DCST1: variants seen among roughly 807,000 people sequenced by gnomAD.
The protein encoded by DCST1 is DC-STAMP domain containing 1.
A neutral mutation model predicts 89.1 loss-of-function variants in DCST1; 78 were observed. That is an observed-to-expected ratio of 0.88 (90% CI 0.73 to 1.06). The LOEUF (loss-of-function observed/expected upper bound fraction) is 1.06. DCST1 is among the 50% of genes least tolerant of loss of function. DCST1 has a pLI of 0.00. For synonymous variants in DCST1, 364 were observed against 371.9 expected, an observed-to-expected ratio of 0.98 and a Z score of 0.24; for missense variants, 900 against 928.6, an observed-to-expected ratio of 0.97 and a Z score of 0.40.
rs770485497 is a variant in DCST1 at position 155,035,990 on chromosome 1, C to T, written c.262+1263C>T. 7.4e-5 allele frequency among the ~76,000 whole-genome samples: 10 copies of T among 134,624 alleles called. No homozygotes were observed. The East Asian group carries it at 9.0e-4, about 12-fold the overall frequency. 88.3% of individuals were successfully genotyped at this position (134,624 alleles called of 152,430 possible). Reference sequence around the variant, plus strand: ...CCCAACTTCACTGTCTTGGGCTGTGCGATTTGAGGCCAGGGAAAAAGGAAA... The same window carrying T: ...CCCAACTTCACTGTCTTGGGCTGTGTGATTTGAGGCCAGGGAAAAAGGAAA... On this transcript the variant is annotated intron_variant, in intron 4 of 16. Coordinates refer to ENST00000295542, the MANE Select transcript of DCST1 (RefSeq NM_152494.4).
In DCST1 at chr1:155,040,592, G is replaced by A; in HGVS notation, c.499G>A (p.Ala167Thr). ...NTRAAWRIST[A>T]PLRAMFKDLL... ...CCGCGCAGCTTGGCGCATCTCCACA[G>A]CCCCCTTACGGGCCATGTTCAAGGA... is the stretch of plus-strand genomic sequence containing the variant. The change falls in exon 6 of 17, where the codon GCC becomes ACC. Residue 167 changes from alanine to threonine, a missense_variant. Ala to Thr is a moderately conservative substitution (Grantham distance 58). Coordinates refer to ENST00000295542, the MANE Select transcript of DCST1 (RefSeq NM_152494.4). 6.3e-7 allele frequency: 1 copy of A among 1,583,650 alleles called. No individual in the cohort carries two copies. The highest frequency in any genetic ancestry group is 2.3e-5 in the East Asian group (1 of 43,596).
At chr1:155,044,055 G>A (rs1232962650) in intron 10 of DCST1, among the ~76,000 whole-genome samples, 1 of 152,212 alleles carries the variant, frequency 6.6e-6, no homozygotes, top group East Asian at 1.9e-4. Flanking sequence ...GGGCTTGGGT[G>A]AGGGCTGCCA....
chr1:155,034,204 C>A, intron 2 of DCST1, 107 bp downstream of exon 2: 1 of 1,541,144 alleles, frequency 6.5e-7, no homozygotes. Flanking sequence ...CGCGCCTCCA[C>A]CACCTCTCTG....
At chr1:155,050,068 G>A (rs1455865619) in intron 16 of DCST1, among the ~76,000 whole-genome samples, 3 of 152,260 alleles carry the variant, frequency 2.0e-5, no homozygotes, top group Admixed American at 2.0e-4. Flanking sequence ...CTGGCAGGCA[G>A]CAGGGCCTCT....
chr1:155,034,285 G>A, intron 2 of DCST1, 150 bp from the exon 3 acceptor site: 2 of 1,584,856 alleles, frequency 1.3e-6, no homozygotes, highest in Non-Finnish European at 8.6e-7. Flanking sequence ...ACTTCCTCAG[G>A]CTCCCTCATC....
In DCST1 at chr1:155,040,617, ACCTGCTGGT is replaced by A; in HGVS notation, c.526_531+3del. ...GCCCCCTTACGGGCCATGTTCAAGG[ACCTGCTGGT>A]CAGGAATCTGCACAGGCAGAGCCTG... On this transcript the variant is annotated splice_donor_variant and coding_sequence_variant, in exon 6 of 17. Coordinates refer to ENST00000295542, the MANE Select transcript of DCST1 (RefSeq NM_152494.4). LOFTEE classifies it high-confidence loss of function. 1 of 1,574,944 alleles carries A rather than the reference ACCTGCTGGT, an allele frequency of 6.3e-7. No individual in the cohort carries two copies. Among genetic ancestry groups the A allele is most frequent in the Non-Finnish European group, 8.6e-7 (1 of 1,159,494 alleles).
intron 8 of DCST1, among the ~76,000 whole-genome samples, chr1:155,042,385 C>T (rs1164359628): frequency 6.6e-6 from 1 of 152,192 alleles, no homozygotes; most frequent in African/African-American, 2.4e-5. Context: ...AGGTGTGAGC[C>T]ATCGCACCCA....
At position 155,050,877 on chromosome 1, in the gene DCST1, C is replaced by T; in HGVS notation, c.*9C>T. The T allele has an allele frequency of 6.2e-7, 1 of 1,606,290 alleles. No individual in the cohort carries two copies. Among genetic ancestry groups the T allele is most frequent in the Non-Finnish European group, 8.5e-7 (1 of 1,174,220 alleles). On this transcript the variant is annotated 3_prime_UTR_variant, in exon 17 of 17. Transcript: ENST00000295542. ...CTGCCTACGCGGGGTGAAGAGGCGT[C>T]CTGCTCGCTCTTCCGCACCGTCCTT...
intron 10 of DCST1, chr1:155,045,530 C>T (rs1224524013): frequency 3.8e-6 from 1 of 263,340 alleles, no homozygotes; most frequent in Non-Finnish European, 7.4e-6. Flanking sequence ...GTTTCCCCCT[C>T]TCTGTAACTC....
At chr1:155,043,239 G>C in intron 9 of DCST1, 113 bp from the exon 10 acceptor site, 2 of 1,509,370 alleles carry the variant, frequency 1.3e-6, no homozygotes, top group African/African-American at 1.4e-5. Context: ...TAGAGGTCCT[G>C]GGAGGGCCCC....
At position 155,046,193 on chromosome 1, in the gene DCST1, C is replaced by T; in HGVS notation, c.1341C>T (p.Thr447=). The change falls in exon 12 of 17, where the codon ACC becomes ACT. Residue 447 remains threonine (T), a synonymous_variant. Transcript: ENST00000295542. The stretch of plus-strand genomic sequence containing the variant: ...CCGTCATCTTCCCTTGCAAGCCCAC[C>T]ATCCAGGCCTCAGAAATGAGCAATG... ...EKTVIFPCKP[T]IQASEMSNVV... 6.2e-7 allele frequency: 1 copy of T among 1,614,236 alleles called. No homozygotes were observed. The highest frequency in any genetic ancestry group is 8.5e-7 in the Non-Finnish European group (1 of 1,180,054).
At position 155,034,715 on chromosome 1, in the gene DCST1, T is replaced by C; in HGVS notation, c.250T>C (p.Tyr84His). 1 of 1,614,176 alleles carries C rather than the reference T, an allele frequency of 6.2e-7. No individual in the cohort carries two copies. Among genetic ancestry groups the C allele is most frequent in the South Asian group, 1.1e-5 (1 of 91,080 alleles). The change falls in exon 4 of 17, where the codon TAC becomes CAC. Residue 84 changes from tyrosine (Y) to histidine (H), a missense_variant. Coordinates refer to ENST00000295542, the MANE Select transcript of DCST1 (RefSeq NM_152494.4). ...IYEEQKIMFL[Y>H]SLVGLGAMGW... ...CGAAGAACAGAAGATTATGTTCTTG[T>C]ACAGCTTGGTGGGTTAGTGCTGGGC...
At chr1:155,048,023 C>T (rs1229796418) in intron 15 of DCST1, 34 bp from the exon 16 acceptor site, 5 of 1,613,522 alleles carry the variant, frequency 3.1e-6, no homozygotes, top group Middle Eastern at 1.6e-4. Flanking sequence ...TGGGGGATGC[C>T]TTTCTCTATC....
chr1:155,043,386 C>T lies in DCST1; in HGVS notation c.1049C>T (p.Thr350Ile). Residue 350 changes from threonine (T) to isoleucine (I), a missense_variant, in exon 10 of 17, where the codon ACA (threonine) becomes ATA (isoleucine). Thr to Ile is a moderately conservative substitution (Grantham distance 89). Transcript: ENST00000295542. ...CAGGCTGGGGTGCTGGGGCTCAACA[C>T]AAGCTGGGAGCGCGTGAGCACCGAG... Reference protein sequence around the residue: ...EKQAGVLGLNTSWERVSTEVR... With the variant: ...EKQAGVLGLNISWERVSTEVR... 6.2e-7 allele frequency: 1 copy of T among 1,614,046 alleles called. No individual in the cohort carries two copies. Among genetic ancestry groups the T allele is most frequent in the Non-Finnish European group, 8.5e-7 (1 of 1,179,974 alleles).
chr1:155,037,783 G>T (rs1465704214), intron 4 of DCST1, among the ~76,000 whole-genome samples: 4 of 152,208 alleles, frequency 2.6e-5, no homozygotes. Context: ...AGAGGAGTGA[G>T]AGTCAAGTTT....
intron 13 of DCST1, 46 bp downstream of exon 13, chr1:155,046,532 T>C: frequency 2.5e-6 from 4 of 1,593,112 alleles, no homozygotes; most frequent in Non-Finnish European, 3.4e-6. Context: ...AGACACCCTC[T>C]GGAGAACTCC....
rs1162361392 is a variant in DCST1, at chr1:155,050,806, C to G, written c.2059C>G (p.Arg687Gly). The G allele has an allele frequency of 6.2e-6, 10 of 1,612,148 alleles. No individual in the cohort carries two copies. Among genetic ancestry groups the G allele is most frequent in the Non-Finnish European group, 7.6e-6 (9 of 1,179,360 alleles). Residue 687 changes from arginine (R) to glycine (G), a missense_variant, in exon 17 of 17, where the codon CGC becomes GGC. Physicochemically the swap from Arg to Gly is moderately radical, Grantham distance 125. Transcript: ENST00000295542. ...MRQRCPVCTP[R>G]EELSSSAFSD... ...GCAGCGGTGCCCGGTCTGCACGCCC[C>G]GCGAAGAGCTCTCTTCCTCCGCCTT...
chr1:155,042,353 C>T (rs1298109557), intron 8 of DCST1, among the ~76,000 whole-genome samples: 3 of 152,182 alleles, frequency 2.0e-5, no homozygotes, highest in African/African-American at 7.2e-5. Context: ...CCCACCTCAG[C>T]CTCCCAAAGT....
At position 155,050,797 on chromosome 1, in the gene DCST1, T is replaced by G; in HGVS notation, c.2050T>G (p.Cys684Gly). The G allele has an allele frequency of 6.2e-7, 1 of 1,612,024 alleles. No individual in the cohort carries two copies. Among genetic ancestry groups the G allele is most frequent in the Non-Finnish European group, 8.5e-7 (1 of 1,179,276 alleles). Residue 684 changes from cysteine to glycine, a missense_variant, in exon 17 of 17, where the codon TGC becomes GGC. Transcript: ENST00000295542. ...CGACATGCGGCAGCGGTGCCCGGTC[T>G]GCACGCCCCGCGAAGAGCTCTCTTC... Reference protein sequence around the residue: ...WDDMRQRCPVCTPREELSSSA... With the variant: ...WDDMRQRCPVGTPREELSSSA...
Sources: allele counts gnomAD v4.1 joint callset (sites outside exome capture counted in the v4.1 genomes callset), GRCh38; gene constraint gnomAD v4.1.1; transcripts MANE v1.5; gene names NCBI Gene and HGNC (gene_info 2026-07-23, HGNC 2026-07-21).